The following SP4 variants were observed in gnomAD, a reference collection of about 807,000 sequenced individuals.
SP4 encodes the protein transcription factor Sp4.
A neutral mutation model predicts 72.8 loss-of-function variants in SP4; 19 were observed. The observed-to-expected ratio is 0.26, with a 90% CI of 0.18 to 0.38. The LOEUF (loss-of-function observed/expected upper bound fraction) is 0.38, where lower values mean the gene tolerates loss of function less well. SP4 is among the 10% of genes least tolerant of loss of function. The pLI is 1.00. For synonymous variants in SP4, 395 were observed against 333.1 expected (o/e 1.19, Z -2.02); for missense variants, 1,008 against 926.3 (o/e 1.09, Z -1.14).
chr7:21,511,251 C>A lies in SP4; in HGVS notation c.2337C>A (p.Thr779=). 6.2e-7 allele frequency: 1 copy of A among 1,614,004 alleles called. No homozygotes were observed. Among genetic ancestry groups the A allele is most frequent in the Non-Finnish European group, 8.5e-7 (1 of 1,179,938 alleles). Residue 779 remains threonine, a synonymous_variant, in exon 6 of 6, where the codon ACC becomes ACA. Transcript: ENST00000222584. ...DSNPATPNVS[T]NMEEF ...ATCCAGCAACTCCCAATGTTTCAACCAACATGGAAGAATTCTGAAAAGTTA... is the reference window on the plus strand; with the variant it reads ...ATCCAGCAACTCCCAATGTTTCAACAAACATGGAAGAATTCTGAAAAGTTA...
chr7:21,501,905 C>T (rs931641367), intron 5 of SP4, among the ~76,000 whole-genome samples: 3 of 152,046 alleles, frequency 2.0e-5, no homozygotes, highest in Non-Finnish European at 4.4e-5. Context: ...GAGGATGTCC[C>T]GAGTATAATC....
chr7:21,496,821 A>G (rs1335129654), intron 5 of SP4, among the ~76,000 whole-genome samples: 1 of 152,160 alleles, frequency 6.6e-6, no homozygotes. Context: ...TCAGCCAGTC[A>G]TTTGACATCT....
At chr7:21,486,570 A>C (rs183355765) in intron 5 of SP4, among the ~76,000 whole-genome samples, 2 of 152,222 alleles carry the variant, frequency 1.3e-5, no homozygotes, top group Admixed American at 1.3e-4. Context: ...GGTTTGTCTA[A>C]TGTTTTCTAA....
chr7:21,428,188 G>GCCCCCCCCCCCCCCCCCC lies in SP4; in HGVS notation c.-59_-58insCCCCCCCCCCCCCCCCCC. 4 of 371,880 alleles carry GCCCCCCCCCCCCCCCCCC rather than the reference G, an allele frequency of 1.1e-5. No homozygotes were observed. Among genetic ancestry groups the GCCCCCCCCCCCCCCCCCC allele is most frequent in the Admixed American group, 8.7e-5 (2 of 22,942 alleles). 23.0% of individuals were successfully genotyped at this position (371,880 alleles called of 1,614,324 possible). Reference sequence around the variant, plus strand: ...CGGGACCGGCCTCTCCTCCCGCCTCGCCCCCACCCCCACCCACCTCTATCC... The same window carrying GCCCCCCCCCCCCCCCCCC: ...CGGGACCGGCCTCTCCTCCCGCCTCGCCCCCCCCCCCCCCCCCCCCCCCACCCCCACCCACCTCTATCC... On this transcript the variant is annotated 5_prime_UTR_variant, in exon 1 of 6. Coordinates refer to ENST00000222584, the MANE Select transcript of SP4 (RefSeq NM_003112.5).
intron 3 of SP4, among the ~76,000 whole-genome samples, chr7:21,434,857 G>A (rs1191811519): frequency 3.3e-5 from 5 of 149,780 alleles, no homozygotes; most frequent in Admixed American, 1.3e-4. Context: ...AAGTGTGAAC[G>A]TGCTGAGTTT....
intron 3 of SP4, among the ~76,000 whole-genome samples, chr7:21,459,394 C>T (rs1783881404): frequency 6.6e-6 from 1 of 152,202 alleles, no homozygotes; most frequent in Non-Finnish European, 1.5e-5. Flanking sequence ...GCTGGGATTA[C>T]AGGTGTGAGC....
At chr7:21,451,277 A>T (rs1783592116) in intron 3 of SP4, among the ~76,000 whole-genome samples, 1 of 152,198 alleles carries the variant, frequency 6.6e-6, no homozygotes. Flanking sequence ...TGCCAGCTTC[A>T]GGTGTTTCTA....
intron 3 of SP4, among the ~76,000 whole-genome samples, chr7:21,459,093 G>T (rs1194983991): frequency 6.7e-6 from 1 of 149,952 alleles, no homozygotes; most frequent in African/African-American, 2.5e-5. Flanking sequence ...TAGAATTAAA[G>T]CTATCATTGT....
chr7:21,457,348 A>G (rs1040974297), intron 3 of SP4, among the ~76,000 whole-genome samples: 1 of 152,158 alleles, frequency 6.6e-6, no homozygotes, highest in Non-Finnish European at 1.5e-5. Flanking sequence ...TAGCTAAGTA[A>G]TGGTTCGTTA....
chr7:21,449,537 G>A (rs1447301771), intron 3 of SP4, among the ~76,000 whole-genome samples: 4 of 151,968 alleles, frequency 2.6e-5, no homozygotes, highest in Non-Finnish European at 4.4e-5. Flanking sequence ...ATACATATGC[G>A]TGTATAGGTA....
intron 5 of SP4, among the ~76,000 whole-genome samples, chr7:21,509,157 C>G (rs1233512567): frequency 2.6e-5 from 4 of 151,876 alleles, no homozygotes; most frequent in Non-Finnish European, 5.9e-5. Context: ...GCATTCTTAT[C>G]TTGTTCCTGA....
In SP4 at chr7:21,428,198, C is replaced by T. The variant is rs2128386793; in HGVS notation, c.-54C>T. ...CTCTCCTCCCGCCTCGCCCCCACCC[C>T]CACCCACCTCTATCCCAGTGTCTCC... is the stretch of plus-strand genomic sequence containing the variant. On this transcript the variant is annotated 5_prime_UTR_variant, in exon 1 of 6. Transcript: ENST00000222584. 9.1e-7 allele frequency: 1 copy of T among 1,099,422 alleles called. No individual in the cohort carries two copies. The highest frequency in any genetic ancestry group is 1.3e-6 in the Non-Finnish European group (1 of 750,816). 68.1% of individuals were successfully genotyped at this position (1,099,422 alleles called of 1,614,324 possible). A position where few individuals can be genotyped will look rare whatever the true frequency, so the allele number is the denominator to read the frequency against.
chr7:21,504,413 C>T (rs975268586), intron 5 of SP4, among the ~76,000 whole-genome samples: 2 of 152,180 alleles, frequency 1.3e-5, no homozygotes, highest in African/African-American at 4.8e-5. Context: ...ATATAATTTA[C>T]AGATTTGGGC....
At chr7:21,475,589 G>A (rs959941565) in intron 3 of SP4, among the ~76,000 whole-genome samples, 8 of 151,352 alleles carry the variant, frequency 5.3e-5, no homozygotes, top group African/African-American at 1.7e-4. Context: ...CCTGAGTAGC[G>A]AGTAGCTGGG....
At chr7:21,472,200 CAAGAA>C (rs1368716816) in intron 3 of SP4, among the ~76,000 whole-genome samples, 2 of 152,108 alleles carry the variant, frequency 1.3e-5, no homozygotes, top group African/African-American at 4.8e-5. Flanking sequence ...TGAGGTCCCC[CAAGAA>C]GAGAGTTAGA....
chr7:21,430,566 C>G lies in SP4; in HGVS notation c.1401C>G (p.Ile467Met). The G allele has an allele frequency of 6.2e-7, 1 of 1,614,224 alleles. No homozygotes were observed. Among genetic ancestry groups the G allele is most frequent in the Non-Finnish European group, 8.5e-7 (1 of 1,180,026 alleles). Residue 467 changes from isoleucine (I) to methionine (M), a missense_variant, in exon 3 of 6, where the codon ATC becomes ATG. Coordinates refer to ENST00000222584, the MANE Select transcript of SP4 (RefSeq NM_003112.5). ...RAPTLTPSGQ[I>M]SWQTVQVQNI... ...CAACTTTAACACCTTCAGGGCAAAT[C>G]AGTTGGCAAACTGTACAGGTTCAGA...
chr7:21,440,374 C>T (rs890826245), intron 3 of SP4, among the ~76,000 whole-genome samples: 1 of 152,110 alleles, frequency 6.6e-6, no homozygotes, highest in Non-Finnish European at 1.5e-5. Context: ...CGTAGTGACA[C>T]CCACTAGAAG....
Position 21,429,987 on chromosome 7 carries a change from G to GGCTGCC in SP4, c.824_829dup (p.Ala275_Ala276dup). The GGCTGCC allele has an allele frequency of 6.2e-7, 1 of 1,614,168 alleles. No homozygotes were observed. The highest frequency in any genetic ancestry group is 8.5e-7 in the Non-Finnish European group (1 of 1,180,022). ...TAGCTTTGCCAGTGATAAACAACGT[G>GGCTGCC]GCTGCCGGAGGAGGGACTGGGCAGG... On this transcript the variant is annotated inframe_insertion, in exon 3 of 6. Coordinates refer to ENST00000222584, the MANE Select transcript of SP4 (RefSeq NM_003112.5).
chr7:21,473,212 G>GT (rs1562610540), intron 3 of SP4, among the ~76,000 whole-genome samples: 2 of 152,218 alleles, frequency 1.3e-5, no homozygotes, highest in East Asian at 3.9e-4. Flanking sequence ...ACAGGTTAGC[G>GT]TAAGAGCTGT....
Sources: allele counts gnomAD v4.1 joint callset (sites outside exome capture counted in the v4.1 genomes callset), GRCh38; gene constraint gnomAD v4.1.1; transcripts MANE v1.5; gene names NCBI Gene and HGNC (gene_info 2026-07-23, HGNC 2026-07-21).